GNAT3: variants seen among roughly 807,000 people sequenced by gnomAD.
GNAT3 encodes the protein G protein subunit alpha transducin 3.
GNAT3 carries 31 observed loss-of-function variants against 37.7 expected under a neutral mutation model. The ratio of observed to expected loss-of-function variants is 0.82; its 90% CI spans 0.62 to 1.11. The LOEUF (loss-of-function observed/expected upper bound fraction) is 1.11, where lower values mean the gene tolerates loss of function less well. Ranked by LOEUF, GNAT3 falls within the 50% of genes most tolerant of loss-of-function variation. The pLI, the probability that GNAT3 is intolerant of heterozygous loss-of-function variation, is 0.00. For synonymous variants in GNAT3, 138 were observed against 139.8 expected, an observed-to-expected ratio of 0.99 and a Z score of 0.09; for missense variants, 437 against 412.5, an observed-to-expected ratio of 1.06 and a Z score of -0.51.
chr7:80,494,627 T>C lies in GNAT3; in HGVS notation c.139A>G (p.Ser47Gly). ...LLLGAGESGK[S>G]TIVKQMKIIH... ...TACTTCATTTGTTTAACAATAGTAC[T>C]TTTCCCAGATTCTCCTGCTCCTGCA... Residue 47 changes from serine to glycine, a missense_variant, in exon 2 of 8, where the codon AGT (serine) becomes GGT (glycine). Physicochemically the swap from Ser to Gly is moderately conservative, Grantham distance 56. Transcript: ENST00000398291. 1 of 1,530,356 alleles carries C rather than the reference T, an allele frequency of 6.5e-7. No individual in the cohort carries two copies. Among genetic ancestry groups the C allele is most frequent in the Non-Finnish European group, 8.9e-7 (1 of 1,117,766 alleles). 94.8% of individuals were successfully genotyped at this position (1,530,356 alleles called of 1,614,324 possible). A position where few individuals can be genotyped will look rare whatever the true frequency, so the allele number is the denominator to read the frequency against.
chr7:80,499,908 C>T (rs781396753), intron 1 of GNAT3, among the ~76,000 whole-genome samples: 3 of 152,154 alleles, frequency 2.0e-5, no homozygotes, highest in Non-Finnish European at 2.9e-5. Flanking sequence ...TTACCTAGAA[C>T]ATACACTAAT....
chr7:80,475,663 G>A (rs757645006), intron 4 of GNAT3, among the ~76,000 whole-genome samples: 3 of 151,832 alleles, frequency 2.0e-5, no homozygotes, highest in South Asian at 2.1e-4. Flanking sequence ...AAGCTGTTAC[G>A]CCTTAGCACC....
chr7:80,497,022 C>T (rs1325848697), intron 1 of GNAT3, among the ~76,000 whole-genome samples: 25 of 152,136 alleles, frequency 1.6e-4, no homozygotes, highest in Admixed American at 1.6e-3. Context: ...GGGAAAACTT[C>T]AAGAACACAC....
At chr7:80,468,687 G>A (rs944250760) in intron 5 of GNAT3, among the ~76,000 whole-genome samples, 5 of 152,012 alleles carry the variant, frequency 3.3e-5, no homozygotes, top group Admixed American at 1.3e-4. Flanking sequence ...GTAGATACTT[G>A]CAGACAGGAA....
At chr7:80,478,356 G>GTA (rs948465782) in intron 4 of GNAT3, among the ~76,000 whole-genome samples, 12 of 152,168 alleles carry the variant, frequency 7.9e-5, no homozygotes, top group African/African-American at 2.4e-4. Flanking sequence ...GAATCTCCTA[G>GTA]TATACAAGTA....
intron 1 of GNAT3, among the ~76,000 whole-genome samples, chr7:80,506,707 A>T (rs1231186595): frequency 1.3e-5 from 2 of 152,178 alleles, no homozygotes; most frequent in African/African-American, 2.4e-5. Context: ...CATCCCAAAG[A>T]TTGGATACCT....
At chr7:80,504,731 G>C (rs1351856101) in intron 1 of GNAT3, among the ~76,000 whole-genome samples, 1 of 152,162 alleles carries the variant, frequency 6.6e-6, no homozygotes, top group Admixed American at 6.5e-5. Flanking sequence ...AATGAAAATG[G>C]AATACTGCTT....
At chr7:80,497,431 A>G (rs1053836686) in intron 1 of GNAT3, among the ~76,000 whole-genome samples, 2 of 151,932 alleles carry the variant, frequency 1.3e-5, no homozygotes, top group East Asian at 3.9e-4. Context: ...ACTGTCCTTG[A>G]TAGGTTTTAT....
intron 5 of GNAT3, among the ~76,000 whole-genome samples, chr7:80,472,985 C>A (rs1427473498): frequency 1.3e-5 from 2 of 152,056 alleles, no homozygotes; most frequent in African/African-American, 2.4e-5. Context: ...GGGACAGTGT[C>A]AAAAATGTTT....
Position 80,494,619 on chromosome 7 carries a change from A to G in GNAT3, c.147T>C (p.Ile49=). 6.5e-7 allele frequency: 1 copy of G among 1,527,396 alleles called. No homozygotes were observed. Among genetic ancestry groups the G allele is most frequent in the Non-Finnish European group, 9.0e-7 (1 of 1,115,066 alleles). 94.6% of individuals were successfully genotyped at this position (1,527,396 alleles called of 1,614,324 possible). Residue 49 remains isoleucine, a synonymous_variant, in exon 2 of 8, where the codon ATT becomes ATC. Coordinates refer to ENST00000398291, the MANE Select transcript of GNAT3 (RefSeq NM_001102386.3). ...LGAGESGKST[I]VKQMKIIHKN... ...TGTATACCTACTTCATTTGTTTAAC[A>G]ATAGTACTTTTCCCAGATTCTCCTG...
intron 1 of GNAT3, among the ~76,000 whole-genome samples, chr7:80,508,822 AC>A (rs1791001132): frequency 6.6e-6 from 1 of 152,076 alleles, no homozygotes; most frequent in Non-Finnish European, 1.5e-5. Context: ...GCTTTGCAGT[AC>A]ATGTTAAATG....
At chr7:80,468,745 A>G (rs1790163493) in intron 5 of GNAT3, among the ~76,000 whole-genome samples, 1 of 151,218 alleles carries the variant, frequency 6.6e-6, no homozygotes, top group South Asian at 2.1e-4. Flanking sequence ...TCACAATTAA[A>G]AAACAGAATC....
chr7:80,479,436 T>C (rs1329441715), intron 3 of GNAT3, among the ~76,000 whole-genome samples: 3 of 151,424 alleles, frequency 2.0e-5, no homozygotes, highest in Non-Finnish European at 4.4e-5. Context: ...AAAATTAGAG[T>C]AGACCGGGCA....
chr7:80,496,360 G>A (rs1790716041), intron 1 of GNAT3, among the ~76,000 whole-genome samples: 1 of 151,926 alleles, frequency 6.6e-6, no homozygotes, highest in Non-Finnish European at 1.5e-5. Flanking sequence ...CAAACTCTTG[G>A]CCTCAAGTGA....
intron 5 of GNAT3, among the ~76,000 whole-genome samples, chr7:80,472,544 C>G (rs1790238134): frequency 6.6e-6 from 1 of 152,064 alleles, no homozygotes; most frequent in Non-Finnish European, 1.5e-5. Context: ...AGTACAAAGG[C>G]TTGAAATGTT....
intron 7 of GNAT3, among the ~76,000 whole-genome samples, chr7:80,460,008 A>G (rs929479692): frequency 1.3e-5 from 2 of 152,226 alleles, no homozygotes; most frequent in African/African-American, 4.8e-5. Context: ...ACTTATGTCT[A>G]CACAGAAGCT....
At chr7:80,462,055 A>T in intron 7 of GNAT3, 104 bp downstream of exon 7, 1 of 739,818 alleles carries the variant, frequency 1.4e-6, no homozygotes, top group South Asian at 2.1e-5. Flanking sequence ...CTCAAAAATG[A>T]TCATAAGCCT....
At chr7:80,482,839 T>TA (rs985724389) in intron 3 of GNAT3, among the ~76,000 whole-genome samples, 19 of 151,820 alleles carry the variant, frequency 1.3e-4, no homozygotes, top group African/African-American at 2.4e-5. Context: ...CCTTCCTTTT[T>TA]AAAAAAATAT....
intron 2 of GNAT3, among the ~76,000 whole-genome samples, chr7:80,494,322 T>C (rs1317781498): frequency 6.6e-6 from 1 of 152,214 alleles, no homozygotes; most frequent in Non-Finnish European, 1.5e-5. Context: ...GATCAGATTA[T>C]AAAGTCCTTG....
Sources: allele counts gnomAD v4.1 joint callset (sites outside exome capture counted in the v4.1 genomes callset), GRCh38; gene constraint gnomAD v4.1.1; transcripts MANE v1.5; gene names NCBI Gene and HGNC (gene_info 2026-07-23, HGNC 2026-07-21).